NPAS3: variants seen among roughly 807,000 people sequenced by gnomAD.
NPAS3 encodes neuronal PAS domain protein 3.
In NPAS3, 14 loss-of-function variants were observed where a neutral mutation model predicts 73.1. That is an observed-to-expected ratio of 0.19 (90% CI 0.13 to 0.30). NPAS3 has a LOEUF of 0.30. Ranked by LOEUF, NPAS3 falls within the 10% of genes least tolerant of loss-of-function variation. The pLI is 1.00. For synonymous variants in NPAS3, 620 were observed against 541.5 expected, an observed-to-expected ratio of 1.14 and a Z score of -2.01; for missense variants, 1,096 against 1,250.0, an observed-to-expected ratio of 0.88 and a Z score of 1.86.
intron 4 of NPAS3, among the ~76,000 whole-genome samples, chr14:33,483,342 G>A (rs574683607): frequency 1.4e-4 from 22 of 152,232 alleles, no homozygotes; most frequent in African/African-American, 1.4e-4. Context: ...GTCTCCACCC[G>A]TGGGTTTTGT....
At position 33,498,672 on chromosome 14, in the gene NPAS3, C is replaced by G. The variant is rs145614635; in HGVS notation, c.469-61449C>G. 1.8e-3 allele frequency among the ~76,000 whole-genome samples: 273 copies of G among 150,194 alleles called. 1 individual carries two copies. The highest frequency in any genetic ancestry group is 4.6e-3 in the African/African-American group (187 of 40,378). On this transcript the variant is annotated intron_variant, in intron 4 of 11. Coordinates refer to ENST00000356141, the Ensembl canonical transcript of NPAS3. The stretch of plus-strand genomic sequence containing the variant: ...CACATGGACACAGAGGGGAACATCA[C>G]ATACTGTGGCCTGTTGGGGGATGGG...
intron 4 of NPAS3, among the ~76,000 whole-genome samples, chr14:33,546,019 A>G (rs547018888): frequency 2.3e-4 from 35 of 152,144 alleles, no homozygotes; most frequent in African/African-American, 7.7e-4. Flanking sequence ...TCATTCCTCA[A>G]TCCTCTTCTT....
chr14:33,479,325 T>C (rs930112808), intron 4 of NPAS3, among the ~76,000 whole-genome samples: 2 of 152,234 alleles, frequency 1.3e-5, no homozygotes, highest in South Asian at 4.2e-4. Context: ...TGTATATTAC[T>C]GGTACCATCA....
intron 6 of NPAS3, among the ~76,000 whole-genome samples, chr14:33,687,734 A>G (rs1179134352): frequency 6.6e-6 from 1 of 152,194 alleles, no homozygotes; most frequent in Non-Finnish European, 1.5e-5. Context: ...GGTACACAAA[A>G]CATTCATTCA....
At chr14:33,737,327 C>A (rs2061547731) in intron 7 of NPAS3, among the ~76,000 whole-genome samples, 1 of 152,146 alleles carries the variant, frequency 6.6e-6, no homozygotes, top group Admixed American at 6.6e-5. Flanking sequence ...TCTGAAGCAA[C>A]TTGGGCTTAG....
chr14:33,450,157 A>G (rs1338817439), intron 4 of NPAS3, among the ~76,000 whole-genome samples: 1 of 152,204 alleles, frequency 6.6e-6, no homozygotes, highest in African/African-American at 2.4e-5. Context: ...ATTTCATGTA[A>G]AGGACAGCTG....
intron 4 of NPAS3, among the ~76,000 whole-genome samples, chr14:33,397,896 A>G (rs1433186962): frequency 6.6e-6 from 1 of 152,150 alleles, no homozygotes; most frequent in African/African-American, 2.4e-5. Flanking sequence ...TACACAGATC[A>G]GAAATAGACA....
At chr14:33,779,867 C>A (rs1465237641) in intron 9 of NPAS3, among the ~76,000 whole-genome samples, 1 of 152,230 alleles carries the variant, frequency 6.6e-6, no homozygotes. Flanking sequence ...TGAGATGGTA[C>A]AGCCTAAAGT....
chr14:33,399,138 G>A (rs756119910), intron 4 of NPAS3, among the ~76,000 whole-genome samples: 1 of 151,994 alleles, frequency 6.6e-6, no homozygotes, highest in Non-Finnish European at 1.5e-5. Context: ...TACATTTTAG[G>A]GTAATATAGC....
chr14:33,365,272 G>A (rs2045791267), intron 3 of NPAS3, among the ~76,000 whole-genome samples: 1 of 138,146 alleles, frequency 7.2e-6, no homozygotes, highest in African/African-American at 2.7e-5. Flanking sequence ...CTACCATAAT[G>A]TGCAATTAAC....
At chr14:33,691,974 G>GT (rs1272307433) in intron 6 of NPAS3, among the ~76,000 whole-genome samples, 1 of 152,222 alleles carries the variant, frequency 6.6e-6, no homozygotes, top group Non-Finnish European at 1.5e-5. Flanking sequence ...TTTATTTGGA[G>GT]TGGGGGTGCT....
intron 4 of NPAS3, among the ~76,000 whole-genome samples, chr14:33,377,023 C>A (rs989730735): frequency 6.6e-6 from 1 of 152,154 alleles, no homozygotes; most frequent in Non-Finnish European, 1.5e-5. Flanking sequence ...AATATAAGAA[C>A]ATTATCAATA....
chr14:33,412,766 A>T (rs539555546), intron 4 of NPAS3, among the ~76,000 whole-genome samples: 2 of 152,310 alleles, frequency 1.3e-5, no homozygotes, highest in South Asian at 4.1e-4. Flanking sequence ...ATGTAAAACT[A>T]TATCATACAG....
chr14:33,595,600 GAAAA>G (rs1302030763), intron 5 of NPAS3, among the ~76,000 whole-genome samples: 1 of 152,042 alleles, frequency 6.6e-6, no homozygotes. Flanking sequence ...AAACAAAAGG[GAAAA>G]AGAAAGATGG....
intron 7 of NPAS3, among the ~76,000 whole-genome samples, chr14:33,751,468 C>CT (rs1435420145): frequency 2.6e-5 from 4 of 152,176 alleles, no homozygotes; most frequent in Non-Finnish European, 5.9e-5. Flanking sequence ...GGAAAAAAAA[C>CT]TAAGACCTGT....
At chr14:33,647,621 T>A (rs1261316610) in intron 5 of NPAS3, among the ~76,000 whole-genome samples, 1 of 152,120 alleles carries the variant, frequency 6.6e-6, no homozygotes, top group Admixed American at 6.6e-5. Context: ...CACTGAAATT[T>A]TTACCCTCTG....
At chr14:33,542,475 G>T (rs963562410) in intron 4 of NPAS3, among the ~76,000 whole-genome samples, 7 of 152,062 alleles carry the variant, frequency 4.6e-5, no homozygotes, top group African/African-American at 1.7e-4. Flanking sequence ...GCTCCTCCAG[G>T]TTCAGGGATG....
chr14:33,533,562 C>A (rs532042847), intron 4 of NPAS3, among the ~76,000 whole-genome samples: 1 of 152,152 alleles, frequency 6.6e-6, no homozygotes, highest in Middle Eastern at 3.4e-3. Flanking sequence ...GCAAAAAGAG[C>A]AATTTCTCAG....
At chr14:33,487,184 AT>A (rs1308817429) in intron 4 of NPAS3, among the ~76,000 whole-genome samples, 2 of 152,204 alleles carry the variant, frequency 1.3e-5, no homozygotes, top group Non-Finnish European at 2.9e-5. Context: ...AAAAATAAAG[AT>A]GCTTATTTCT....
Sources: gnomAD v4.1 joint callset for allele counts (sites outside exome capture counted in the v4.1 genomes callset) on GRCh38, gnomAD v4.1.1 for gene constraint, MANE v1.5 for transcripts, NCBI Gene and HGNC (gene_info 2026-07-23, HGNC 2026-07-21) for gene names.